The following SLC6A17 variants were observed in gnomAD, a reference collection of about 807,000 sequenced individuals.
The protein encoded by SLC6A17 is solute carrier family 6 member 17, also known as sodium-dependent neutral amino acid transporter SLC6A17.
In SLC6A17, 21 loss-of-function variants were observed where a neutral mutation model predicts 64.5. That is an observed-to-expected ratio of 0.33 (90% CI 0.23 to 0.47). SLC6A17 has a LOEUF of 0.47. Ranked by LOEUF, SLC6A17 falls within the 20% of genes least tolerant of loss-of-function variation. The pLI is 1.00. For missense variants in SLC6A17, 682 were observed against 963.2 expected (o/e 0.71, Z 3.86); for synonymous variants, 372 against 399.5 (o/e 0.93, Z 0.82).
At chr1:110,174,162 T>C in intron 4 of SLC6A17, 63 bp downstream of exon 4, 1 of 1,585,820 alleles carries the variant, frequency 6.3e-7, no homozygotes, top group East Asian at 2.3e-5. Flanking sequence ...TCTCACAAGC[T>C]TAGCGCACAC....
rs1657068194 is a variant in SLC6A17, at chr1:110,199,735, C to T, written c.*1291C>T. 3 of 381,550 alleles carry T rather than the reference C, an allele frequency of 7.9e-6. No homozygotes were observed. 23.6% of individuals were successfully genotyped at this position (381,550 alleles called of 1,614,324 possible). On this transcript the variant is annotated 3_prime_UTR_variant, in exon 12 of 12. Transcript: ENST00000331565. ...CTGTGCAGAAGGCTGCAGCTGACAA[C>T]AGCGACCCCACCTGCCATTACCTTC...
intron 1 of SLC6A17, among the ~76,000 whole-genome samples, chr1:110,152,457 A>C (rs1655635334): frequency 6.6e-6 from 1 of 152,184 alleles, no homozygotes; most frequent in Non-Finnish European, 1.5e-5. Context: ...GTTCTTTAGC[A>C]GGACTCGTGA....
rs1657074195 is a variant in SLC6A17 at position 110,199,863 on chromosome 1, G to A, written c.*1419G>A. On this transcript the variant is annotated 3_prime_UTR_variant, in exon 12 of 12. Coordinates refer to ENST00000331565, the MANE Select transcript of SLC6A17 (RefSeq NM_001010898.4). ...GAGATGGATGGATGGATGGATAGAT[G>A]GATGGATGGGTTGGGGAGTGGGGGT... 2.5e-6 allele frequency: 1 copy of A among 393,042 alleles called. No homozygotes were observed. The highest frequency in any genetic ancestry group is 2.1e-5 in the African/African-American group (1 of 48,286). 24.3% of individuals were successfully genotyped at this position (393,042 alleles called of 1,614,324 possible).
rs139135129 is a variant in SLC6A17, at chr1:110,195,713, C to T, written c.1620C>T (p.Asn540=). 27 of 1,614,116 alleles carry T rather than the reference C, an allele frequency of 1.7e-5. No homozygotes were observed. The highest frequency in any genetic ancestry group is 2.3e-5 in the Non-Finnish European group (27 of 1,180,060). ...TCACTCTCATCGTCATCCTTGAGAACATCGCTGTGGCCTGGATTTATGGAA... is the reference window on the plus strand; with the variant it reads ...TCACTCTCATCGTCATCCTTGAGAATATCGCTGTGGCCTGGATTTATGGAA... ...LPLTLIVILE[N]IAVAWIYGTK... Residue 540 remains asparagine, a synonymous_variant, in exon 10 of 12, where the codon AAC becomes AAT. Coordinates refer to ENST00000331565, the MANE Select transcript of SLC6A17 (RefSeq NM_001010898.4).
At chr1:110,153,063 G>A (rs1046509069) in intron 1 of SLC6A17, among the ~76,000 whole-genome samples, 1 of 152,128 alleles carries the variant, frequency 6.6e-6, no homozygotes, top group African/African-American at 2.4e-5. Flanking sequence ...TTGGGGTAGG[G>A]GTGGGGTTCA....
At chr1:110,186,033 A>C (rs909356615) in intron 6 of SLC6A17, among the ~76,000 whole-genome samples, 4 of 152,184 alleles carry the variant, frequency 2.6e-5, no homozygotes, top group African/African-American at 9.6e-5. Flanking sequence ...TTGCTGGGTG[A>C]TACGTATGTG....
chr1:110,165,527 G>A (rs1656025224), intron 1 of SLC6A17, among the ~76,000 whole-genome samples: 1 of 152,170 alleles, frequency 6.6e-6, no homozygotes, highest in Non-Finnish European at 1.5e-5. Flanking sequence ...GGTGTCACCT[G>A]CTAATGTGGT....
intron 6 of SLC6A17, among the ~76,000 whole-genome samples, chr1:110,188,244 G>A (rs536471621): frequency 2.0e-5 from 3 of 152,260 alleles, no homozygotes; most frequent in South Asian, 2.1e-4. Context: ...CAGCCCCCAG[G>A]GCTTTTAGAT....
intron 6 of SLC6A17, among the ~76,000 whole-genome samples, chr1:110,179,468 A>G (rs557037498): frequency 6.6e-6 from 1 of 151,700 alleles, no homozygotes; most frequent in South Asian, 2.1e-4. Context: ...AAAATGGTTT[A>G]TGTACACTTT....
chr1:110,200,165 C>T lies in SLC6A17; in HGVS notation c.*1721C>T. 1 of 398,458 alleles carries T rather than the reference C, an allele frequency of 2.5e-6. No homozygotes were observed. Among genetic ancestry groups the T allele is most frequent in the Non-Finnish European group, 4.4e-6 (1 of 226,046 alleles). 24.7% of individuals were successfully genotyped at this position (398,458 alleles called of 1,614,324 possible). ...GACAGACCAGAATCAGGGTCCCCTC[C>T]TTTACCCCTGAGTTCCTTACTGTTC... On this transcript the variant is annotated 3_prime_UTR_variant, in exon 12 of 12. Coordinates refer to ENST00000331565, the MANE Select transcript of SLC6A17 (RefSeq NM_001010898.4).
At chr1:110,173,933 G>T in intron 3 of SLC6A17, 40 bp from the exon 4 acceptor site, 1 of 1,586,046 alleles carries the variant, frequency 6.3e-7, no homozygotes, top group South Asian at 1.2e-5. Context: ...GGGTGGAGTT[G>T]CCTGCAGCCT....
rs75578111 is a variant in SLC6A17 at position 110,158,525 on chromosome 1, C to G, written c.-88+7642C>G. Among the ~76,000 whole-genome samples the G allele has an allele frequency of 8.5e-4, 129 of 152,346 alleles. No homozygotes were observed. In the East Asian group the frequency reaches 0.023, roughly 27 times the overall value. On this transcript the variant is annotated intron_variant, in intron 1 of 11. Transcript: ENST00000331565. Reference sequence around the variant, plus strand: ...GTAGCTGGCACTGGTTGATGGCATGCCCCTGAGGGCCTGGCCTGAGTTGAG... The same window carrying G: ...GTAGCTGGCACTGGTTGATGGCATGGCCCTGAGGGCCTGGCCTGAGTTGAG...
At chr1:110,197,934 T>G in intron 11 of SLC6A17, 142 bp from the exon 12 acceptor site, 1 of 1,404,320 alleles carries the variant, frequency 7.1e-7, no homozygotes, top group Non-Finnish European at 9.5e-7. Flanking sequence ...TAAACCCCCA[T>G]CCTTGGCTGT....
chr1:110,165,497 C>T (rs1471014950), intron 1 of SLC6A17, among the ~76,000 whole-genome samples: 1 of 152,172 alleles, frequency 6.6e-6, no homozygotes, highest in Non-Finnish European at 1.5e-5. Flanking sequence ...TCACTGTTCC[C>T]TTGGAAGAGG....
intron 10 of SLC6A17, among the ~76,000 whole-genome samples, chr1:110,196,202 T>C (rs554991700): frequency 1.2e-4 from 19 of 152,284 alleles, no homozygotes; most frequent in Non-Finnish European, 2.5e-4. Context: ...TAAGAAAGGA[T>C]TGGGTCTCAC....
At chr1:110,154,580 T>C (rs11811388) in intron 1 of SLC6A17, among the ~76,000 whole-genome samples, 74,991 of 151,990 alleles carry the variant, frequency 0.49, 18,897 homozygotes, top group Non-Finnish European at 0.54. Flanking sequence ...ATCCCAGGCT[T>C]CATCTTGGTG....
At chr1:110,170,977 G>C (rs1313852988) in intron 2 of SLC6A17, among the ~76,000 whole-genome samples, 4 of 152,312 alleles carry the variant, frequency 2.6e-5, no homozygotes, top group African/African-American at 9.6e-5. Context: ...TCCCCCCGCT[G>C]CCTGTGCAAG....
chr1:110,197,755 C>G (rs1355037601), intron 11 of SLC6A17, among the ~76,000 whole-genome samples, 156 bp downstream of exon 11: 6 of 152,244 alleles, frequency 3.9e-5, no homozygotes, highest in African/African-American at 7.2e-5. Flanking sequence ...AAGCCAAAGA[C>G]AGAGGTGGCA....
At chr1:110,190,441 C>A (rs952998413) in intron 6 of SLC6A17, among the ~76,000 whole-genome samples, 3 of 152,184 alleles carry the variant, frequency 2.0e-5, no homozygotes, top group African/African-American at 7.2e-5. Flanking sequence ...GCTCTGCCAG[C>A]GCTCTGAGCT....
Sources: gnomAD v4.1 joint callset for allele counts (sites outside exome capture counted in the v4.1 genomes callset) on GRCh38, gnomAD v4.1.1 for gene constraint, MANE v1.5 for transcripts, NCBI Gene and HGNC (gene_info 2026-07-23, HGNC 2026-07-21) for gene names.